Variants in WDR20 observed in about 807,000 individuals in gnomAD.
WDR20 encodes the protein WD repeat-containing protein 20.
A neutral mutation model predicts 38.7 loss-of-function variants in WDR20; 3 were observed. The observed-to-expected ratio is 0.08, with a 90% CI of 0.04 to 0.20. The LOEUF (loss-of-function observed/expected upper bound fraction) is 0.20. Among genes scored for constraint, WDR20 ranks in the 10% least tolerant of loss-of-function variants. The pLI, the probability that WDR20 is intolerant of heterozygous loss-of-function variation, is 1.00. For missense variants in WDR20, 559 were observed against 727.7 expected (o/e 0.77, Z 2.67); for synonymous variants, 298 against 285.6 (o/e 1.04, Z -0.44).
At chr14:102,198,398 G>A (rs116924083) in intron 2 of WDR20, 129 of 219,934 alleles carry the variant, frequency 5.9e-4, no homozygotes, top group African/African-American at 2.3e-3. Context: ...AATTACAGGC[G>A]TGAGCCACCA....
chr14:102,167,587 CATCTGTTTA>C (rs1444860621), intron 1 of WDR20: 1 of 152,298 alleles, frequency 6.6e-6, no homozygotes, highest in Middle Eastern at 3.1e-3. Flanking sequence ...TCTGCCCCTT[CATCTGTTTA>C]ACTCCTACTC....
rs891304541 is a variant in WDR20 at position 102,222,083 on chromosome 14, T to TCCCCGC, written c.1693-735_1693-730dup. On this transcript the variant is annotated intron_variant, in intron 3 of 3. Transcript: ENST00000335263. This position sits in a 1 kb window ranked among gnomAD's most constrained non-coding sequence, Gnocchi z 4.4. ...CAGTATTGTAAAATCTGGGTGAGAT[T>TCCCCGC]CCCCGCCCCCGCCCCCGACAGTGAG... 1.4e-4 allele frequency among the ~76,000 whole-genome samples: 22 copies of TCCCCGC among 151,750 alleles called. No homozygotes were observed. The highest frequency in any genetic ancestry group is 4.6e-4 in the African/African-American group (19 of 41,264).
At chr14:102,183,477 T>C (rs780442776) in intron 1 of WDR20, among the ~76,000 whole-genome samples, 23 of 152,254 alleles carry the variant, frequency 1.5e-4, no homozygotes, top group Admixed American at 8.5e-4. Flanking sequence ...TCATATGATA[T>C]ACAATTACTG....
chr14:102,163,564 G>A (rs1344779603), intron 1 of WDR20, among the ~76,000 whole-genome samples: 1 of 134,446 alleles, frequency 7.4e-6, no homozygotes, highest in Non-Finnish European at 1.5e-5. Context: ...GTGGGCAGAG[G>A]CTACAGTGAG....
At chr14:102,141,425 T>A (rs1313058389) in intron 1 of WDR20, among the ~76,000 whole-genome samples, 1 of 152,208 alleles carries the variant, frequency 6.6e-6, no homozygotes, top group Non-Finnish European at 1.5e-5. Flanking sequence ...GTCTTTATGA[T>A]AATAAGTGTA....
chr14:102,192,179 G>GA (rs993549924), intron 1 of WDR20, among the ~76,000 whole-genome samples: 6 of 151,148 alleles, frequency 4.0e-5, no homozygotes, highest in South Asian at 4.2e-4. Flanking sequence ...ATATTTACCT[G>GA]AATTTTTTTT....
chr14:102,170,983 A>G (rs1381496427), intron 1 of WDR20, among the ~76,000 whole-genome samples: 2 of 151,578 alleles, frequency 1.3e-5, no homozygotes, highest in Non-Finnish European at 2.9e-5. Flanking sequence ...ATTTTTTGAC[A>G]TGGAGTCTAG....
intron 1 of WDR20, among the ~76,000 whole-genome samples, chr14:102,154,305 T>A (rs2056860849): frequency 6.6e-6 from 1 of 152,226 alleles, no homozygotes; most frequent in South Asian, 2.1e-4. Context: ...GAAGTCAAGA[T>A]GAAGGTGTTG....
Position 102,209,516 on chromosome 14 carries a change from T to C in WDR20, c.1346T>C (p.Val449Ala). 1 of 1,614,208 alleles carries C rather than the reference T, an allele frequency of 6.2e-7. No individual in the cohort carries two copies. Among genetic ancestry groups the C allele is most frequent in the South Asian group, 1.1e-5 (1 of 91,078 alleles). ...TCAAATGCTGGCAGCAAAAGCAGTGTCATGGACGGGGCCATTGCTTCTGGG... is the reference window on the plus strand; with the variant it reads ...TCAAATGCTGGCAGCAAAAGCAGTGCCATGGACGGGGCCATTGCTTCTGGG... ...AVSNAGSKSS[V>A]MDGAIASGVS... Residue 449 changes from valine to alanine, a missense_variant, in exon 3 of 3, where the codon GTC (valine) becomes GCC (alanine). Transcript: ENST00000342702. The surrounding 1 kb of genome is among the most constrained non-coding windows in gnomAD (Gnocchi z 6.0).
At chr14:102,173,845 C>G (rs1481748121) in intron 1 of WDR20, among the ~76,000 whole-genome samples, 1 of 152,030 alleles carries the variant, frequency 6.6e-6, no homozygotes. Flanking sequence ...GAGATCGAGA[C>G]CATCCTGGCT....
intron 2 of WDR20, among the ~76,000 whole-genome samples, chr14:102,202,380 T>G (rs1333453872): frequency 1.0e-3 from 142 of 136,290 alleles, no homozygotes; most frequent in Middle Eastern, 6.9e-3. Context: ...AGGTTTTTTT[T>G]TTTTTTTTTT....
downstream of WDR20, among the ~76,000 whole-genome samples, chr14:102,218,813 G>A (rs929104302): frequency 1.9e-4 from 29 of 152,216 alleles, no homozygotes; most frequent in African/African-American, 6.5e-4. Context: ...TCCTTTGCCT[G>A]ATGGCAACTG....
At chr14:102,213,193 TG>T, downstream of WDR20, 1 of 985,528 alleles carries the variant, frequency 1.0e-6, no homozygotes, top group Non-Finnish European at 1.2e-6. Context: ...ACACTACTGG[TG>T]GCCCTGGAGC....
chr14:102,210,377 C>T lies in WDR20; in HGVS notation c.*497C>T. On this transcript the variant is annotated 3_prime_UTR_variant, in exon 3 of 3. Transcript: ENST00000342702. Reference sequence around the variant, plus strand: ...ATGTTTAGGAATCTATGAAATTTAACTTTAGGAACAAAACGTTTAGCAGGG... The same window carrying T: ...ATGTTTAGGAATCTATGAAATTTAATTTTAGGAACAAAACGTTTAGCAGGG... 2 of 985,630 alleles carry T rather than the reference C, an allele frequency of 2.0e-6. No individual in the cohort carries two copies. Among genetic ancestry groups the T allele is most frequent in the Non-Finnish European group, 2.4e-6 (2 of 830,028 alleles). The allele number at this position is 985,630 out of a possible 1,614,324, so 61.1% of individuals were successfully genotyped here. A position where few individuals can be genotyped will look rare whatever the true frequency, so the allele number is the denominator to read the frequency against.
chr14:102,187,209 G>A (rs1361809269), intron 1 of WDR20, among the ~76,000 whole-genome samples: 1 of 152,198 alleles, frequency 6.6e-6, no homozygotes, highest in Non-Finnish European at 1.5e-5. Flanking sequence ...AACCTTTGAT[G>A]TTACTCAGAC....
chr14:102,162,973 A>T (rs1435906791), intron 1 of WDR20, among the ~76,000 whole-genome samples: 2 of 152,156 alleles, frequency 1.3e-5, no homozygotes, highest in Non-Finnish European at 2.9e-5. Context: ...ACTGGAACTC[A>T]CAGACAGAGG....
intron 1 of WDR20, among the ~76,000 whole-genome samples, chr14:102,157,480 AT>A (rs2057695357): frequency 6.6e-6 from 1 of 152,120 alleles, no homozygotes. Flanking sequence ...TAAGCTGGCC[AT>A]GCTTTTTGCT....
chr14:102,193,641 C>T (rs1002641815), intron 1 of WDR20: 2 of 826,066 alleles, frequency 2.4e-6, no homozygotes, highest in Non-Finnish European at 3.6e-6. Flanking sequence ...CTCAAAGACG[C>T]CTGTAATTTT....
chr14:102,177,493 T>C (rs2062412168), intron 1 of WDR20, among the ~76,000 whole-genome samples: 1 of 152,170 alleles, frequency 6.6e-6, no homozygotes, highest in Admixed American at 6.5e-5. Context: ...ATGAGAAATA[T>C]AGCCAGATGA....
Sources: gnomAD v4.1 joint callset for allele counts (sites outside exome capture counted in the v4.1 genomes callset) on GRCh38, gnomAD v4.1.1 for gene constraint, Gnocchi (gnomAD v3.1) non-coding constraint, MANE v1.5 for transcripts, NCBI Gene and HGNC (gene_info 2026-07-23, HGNC 2026-07-21) for gene names.